ANGPTL1: variants seen among roughly 807,000 people sequenced by gnomAD.
The protein encoded by ANGPTL1 is angiopoietin like 1, also known as angiopoietin-related protein 1.
A neutral mutation model predicts 46.7 loss-of-function variants in ANGPTL1; 36 were observed. The ratio of observed to expected loss-of-function variants is 0.77; its 90% CI spans 0.59 to 1.02. The LOEUF is 1.02. Ranked by LOEUF, ANGPTL1 falls within the 50% of genes least tolerant of loss-of-function variation. The pLI is 0.00. For synonymous variants in ANGPTL1, 221 were observed against 204.3 expected, an observed-to-expected ratio of 1.08 and a Z score of -0.69; for missense variants, 571 against 594.7, an observed-to-expected ratio of 0.96 and a Z score of 0.41.
intron 1 of ANGPTL1, among the ~76,000 whole-genome samples, chr1:178,870,172 G>A (rs1450317587): frequency 1.3e-5 from 2 of 152,130 alleles, no homozygotes; most frequent in South Asian, 2.1e-4. Flanking sequence ...AAATGCCATA[G>A]ATTAATCTTA....
At position 178,853,575 on chromosome 1, in the gene ANGPTL1, G is replaced by A; in HGVS notation, c.1017+19C>T. ...AATGGATTTGTTTTACTTCCCTTAG[G>A]TCTGCATCACTGATTTACCTTATAA... On this transcript the variant is annotated intron_variant, in intron 4 of 5. Transcript: ENST00000234816. The A allele has an allele frequency of 6.4e-7, 1 of 1,559,062 alleles. No individual in the cohort carries two copies. The highest frequency in any genetic ancestry group is 1.2e-5 in the South Asian group (1 of 81,898).
chr1:178,853,848 T>C lies in ANGPTL1; in HGVS notation c.824-61A>G, dbSNP rs1657350098. The C allele has an allele frequency of 1.2e-5, 17 of 1,365,660 alleles. No individual in the cohort carries two copies. The South Asian group carries it at 3.0e-4, about 24-fold the overall frequency. 84.6% of individuals were successfully genotyped at this position (1,365,660 alleles called of 1,614,324 possible). ...AATATGAGAAGAGACATGTTAAAAG[T>C]TTTTAATCAAGATTTTTACCTTTGT... On this transcript the variant is annotated intron_variant, in intron 3 of 5. Transcript: ENST00000234816.
rs536339692 is a variant in ANGPTL1 at position 178,862,767 on chromosome 1, C to T, written c.823+2187G>A. On this transcript the variant is annotated intron_variant, in intron 3 of 5. Transcript: ENST00000234816. Reference sequence around the variant, plus strand: ...TTGTGAAGGAAACTAGTGGAAGGTCCGCTAGGAAAGTAGGCTTCATTCTTT... The same window carrying T: ...TTGTGAAGGAAACTAGTGGAAGGTCTGCTAGGAAAGTAGGCTTCATTCTTT... Among the ~76,000 whole-genome samples, 44 of 152,028 alleles carry T rather than the reference C, an allele frequency of 2.9e-4. 1 individual carries two copies. The East Asian group carries it at 3.5e-3, about 12-fold the overall frequency.
At chr1:178,862,886 G>A (rs116344794) in intron 3 of ANGPTL1, among the ~76,000 whole-genome samples, 278 of 152,256 alleles carry the variant, frequency 1.8e-3, no homozygotes, top group African/African-American at 6.3e-3. Flanking sequence ...GAATCTGCTG[G>A]CAATGTAAAT....
intron 3 of ANGPTL1, 66 bp from the exon 4 acceptor site, chr1:178,853,853 A>C: frequency 7.5e-7 from 1 of 1,332,252 alleles, no homozygotes; most frequent in South Asian, 1.8e-5. Context: ...AAAAGTTTTT[A>C]ATCAAGATTT....
chr1:178,852,837 T>C lies in ANGPTL1; in HGVS notation c.1134A>G (p.Lys378=). 1 of 1,613,954 alleles carries C rather than the reference T, an allele frequency of 6.2e-7. No individual in the cohort carries two copies. Among genetic ancestry groups the C allele is most frequent in the South Asian group, 1.1e-5 (1 of 91,080 alleles). The change falls in exon 5 of 6, where the codon AAA becomes AAG. Residue 378 remains lysine (K), a synonymous_variant. Coordinates refer to ENST00000234816, the MANE Select transcript of ANGPTL1 (RefSeq NM_004673.4). ...GAAAGCTGCTGTATTCTGCATAGAC[T>C]TTTTTATCACTCCAGTCTTCTAATT... ...LIELEDWSDK[K]VYAEYSSFRL... is the part of the protein sequence containing the mutation.
In ANGPTL1 at chr1:178,865,244, T is replaced by C. The variant is rs1477236817; in HGVS notation, c.533A>G (p.Lys178Arg). 2 of 1,614,098 alleles carry C rather than the reference T, an allele frequency of 1.2e-6. No homozygotes were observed. Among genetic ancestry groups the C allele is most frequent in the East Asian group, 4.5e-5 (2 of 44,888 alleles). ...GACAAGATCAGTCAAGGAAGCGTATTTCACCTCTAGTTCCCTGTATCTTGT... is the reference window on the plus strand; with the variant it reads ...GACAAGATCAGTCAAGGAAGCGTATCTCACCTCTAGTTCCCTGTATCTTGT... ...MATRYRELEV[K>R]YASLTDLVNN... is the part of the protein sequence containing the mutation. Residue 178 changes from lysine (K) to arginine (R), a missense_variant, in exon 3 of 6, where the codon AAA (lysine) becomes AGA (arginine). By Grantham distance (26) the Lys-to-Arg change is conservative. Transcript: ENST00000234816.
intron 3 of ANGPTL1, among the ~76,000 whole-genome samples, chr1:178,859,918 C>T (rs1454013457): frequency 1.3e-5 from 2 of 149,822 alleles, no homozygotes; most frequent in Non-Finnish European, 3.0e-5. Context: ...GGGGTTTCGC[C>T]ATGTTAGCCA....
intron 2 of ANGPTL1, among the ~76,000 whole-genome samples, chr1:178,867,312 A>T (rs1658478442): frequency 6.6e-6 from 1 of 152,124 alleles, no homozygotes; most frequent in South Asian, 2.1e-4. Context: ...AAAGTTAAGT[A>T]CCTTATTATC....
chr1:178,857,121 T>C (rs906084474), intron 3 of ANGPTL1, among the ~76,000 whole-genome samples: 5 of 152,194 alleles, frequency 3.3e-5, no homozygotes, highest in Non-Finnish European at 5.9e-5. Flanking sequence ...TAATTTCTTA[T>C]GTGGGAGTGA....
chr1:178,852,167 ACAG>A (rs985233792), intron 5 of ANGPTL1, among the ~76,000 whole-genome samples: 1 of 152,088 alleles, frequency 6.6e-6, no homozygotes, highest in African/African-American at 2.4e-5. Flanking sequence ...TTGCTTTCTC[ACAG>A]CAGATTTTCC....
At position 178,868,744 on chromosome 1, in the gene ANGPTL1, T is replaced by C. The variant is rs113404105; in HGVS notation, c.-27+370A>G. ...CTATAAGATTAAATCATAAGATAAA[T>C]CACTGTTTACCATAAGAGAAAGTGG... On this transcript the variant is annotated intron_variant, in intron 2 of 5. Transcript: ENST00000234816. Among the ~76,000 whole-genome samples, 194 of 152,042 alleles carry C rather than the reference T, an allele frequency of 1.3e-3. 2 individuals carry two copies. The highest frequency in any genetic ancestry group is 4.3e-3 in the African/African-American group (178 of 41,546).
Position 178,856,120 on chromosome 1 carries a change from A to G in ANGPTL1, c.824-2333T>C, listed in dbSNP as rs541359744. On this transcript the variant is annotated intron_variant, in intron 3 of 5. Coordinates refer to ENST00000234816, the MANE Select transcript of ANGPTL1 (RefSeq NM_004673.4). ...CGATAAGGATAATAGTTTTATCCTT[A>G]TAAGAATTTCTGTACTATAAGGAGA... is the stretch of plus-strand genomic sequence containing the variant. Among the ~76,000 whole-genome samples, 217 of 148,034 alleles carry G rather than the reference A, an allele frequency of 1.5e-3. 1 individual carries two copies. The highest frequency in any genetic ancestry group is 4.8e-3 in the African/African-American group (195 of 40,336).
intron 4 of ANGPTL1, 76 bp from the exon 5 acceptor site, chr1:178,853,029 C>CAA (rs1374616230): frequency 1.5e-5 from 22 of 1,510,954 alleles, no homozygotes; most frequent in Non-Finnish European, 1.9e-5. Flanking sequence ...CAGTGTTAAA[C>CAA]ATTCGATAGC....
intron 2 of ANGPTL1, among the ~76,000 whole-genome samples, chr1:178,868,353 TATTTA>T (rs1658546340): frequency 6.6e-6 from 1 of 151,968 alleles, no homozygotes; most frequent in Non-Finnish European, 1.5e-5. Context: ...TTTTCCTATA[TATTTA>T]ATTTAACTTA....
chr1:178,868,721 A>G (rs1159487048), intron 2 of ANGPTL1, among the ~76,000 whole-genome samples: 4 of 152,048 alleles, frequency 2.6e-5, no homozygotes, highest in Non-Finnish European at 2.9e-5. Context: ...TGTGGTTCCT[A>G]TAAGATTAAA....
At chr1:178,861,989 C>T (rs146468519) in intron 3 of ANGPTL1, among the ~76,000 whole-genome samples, 2,071 of 152,230 alleles carry the variant, frequency 0.014, 25 homozygotes, top group Admixed American at 0.033. Flanking sequence ...TCTCCTGCCT[C>T]AGCCTCCTGA....
At chr1:178,866,078 C>T (rs1658387312) in intron 2 of ANGPTL1, among the ~76,000 whole-genome samples, 1 of 152,124 alleles carries the variant, frequency 6.6e-6, no homozygotes, top group Non-Finnish European at 1.5e-5. Flanking sequence ...AGATTTTGGT[C>T]AGTGTCTACT....
chr1:178,851,843 G>A (rs1352040571), intron 5 of ANGPTL1, among the ~76,000 whole-genome samples: 1 of 152,114 alleles, frequency 6.6e-6, no homozygotes, highest in Non-Finnish European at 1.5e-5. Flanking sequence ...AAATACAGCT[G>A]GAGAGAAAAA....
Sources: gnomAD v4.1 joint callset for allele counts (sites outside exome capture counted in the v4.1 genomes callset) on GRCh38, gnomAD v4.1.1 for gene constraint, MANE v1.5 for transcripts, NCBI Gene and HGNC (gene_info 2026-07-23, HGNC 2026-07-21) for gene names.